PDE6B: variants seen among roughly 807,000 people sequenced by gnomAD.
PDE6B encodes the protein phosphodiesterase 6B, also known as rod cGMP-specific 3',5'-cyclic phosphodiesterase subunit beta.
A neutral mutation model predicts 109.0 loss-of-function variants in PDE6B; 106 were observed. The ratio of observed to expected loss-of-function variants is 0.97; its 90% CI spans 0.83 to 1.14. PDE6B has a LOEUF of 1.14. Ranked by LOEUF, PDE6B falls within the 50% of genes most tolerant of loss-of-function variation. The probability of loss-of-function intolerance (pLI) is 0.00; values close to 1 mark genes in which losing one functional copy is unlikely to be tolerated. For missense variants in PDE6B, 1,193 were observed against 1,155.6 expected, an observed-to-expected ratio of 1.03 and a Z score of -0.47; for synonymous variants, 490 against 471.3, an observed-to-expected ratio of 1.04 and a Z score of -0.51.
chr4:636,347 C>T lies in PDE6B; in HGVS notation c.711+378C>T, dbSNP rs921468096. ...TTGAGAGAGGGTGCAGGGGCAGGTC[C>T]GGCCCTGACTGAGAGAGGGTGTAGG... On this transcript the variant is annotated intron_variant, in intron 3 of 21. Transcript: ENST00000496514. The surrounding 1 kb of genome is among the most constrained non-coding windows in gnomAD (Gnocchi z 4.5). Among the ~76,000 whole-genome samples the T allele has an allele frequency of 2.6e-5, 4 of 151,944 alleles. No individual in the cohort carries two copies. The highest frequency in any genetic ancestry group is 2.1e-4 in the South Asian group (1 of 4,808).
chr4:666,619 G>T lies in PDE6B; in HGVS notation c.2352+5G>T. ...GTGTGCACATTCGTGTACAAGGCGA[G>T]TGGTTCACGGGTGTTCCGAGCTGAC... On this transcript the variant is annotated splice_donor_5th_base_variant and intron_variant, in intron 20 of 21. Coordinates refer to ENST00000496514, the MANE Select transcript of PDE6B (RefSeq NM_000283.4). This position sits in a 1 kb window ranked among gnomAD's most constrained non-coding sequence, Gnocchi z 5.6. The T allele has an allele frequency of 6.3e-7, 1 of 1,598,954 alleles. No homozygotes were observed. Among genetic ancestry groups the T allele is most frequent in the African/African-American group, 1.3e-5 (1 of 74,730 alleles).
chr4:653,150 C>A (rs1735733895), intron 3 of PDE6B: 2 of 990,950 alleles, frequency 2.0e-6, no homozygotes, highest in Admixed American at 5.6e-5. Flanking sequence ...TTCAGAGGGC[C>A]TGGCAGGGAG....
rs1377883818 is a variant in PDE6B at position 636,025 on chromosome 4, C to G, written c.711+56C>G. ...CGAGGGCCAGGGTCCCTCCGCCCATCTCGCTGCCTGCACAGAGGCGGGTGG... is the reference window on the plus strand; with the variant it reads ...CGAGGGCCAGGGTCCCTCCGCCCATGTCGCTGCCTGCACAGAGGCGGGTGG... On this transcript the variant is annotated intron_variant, in intron 3 of 21. Transcript: ENST00000496514. This position sits in a 1 kb window ranked among gnomAD's most constrained non-coding sequence, Gnocchi z 4.5. The G allele has an allele frequency of 9.9e-7, 1 of 1,010,404 alleles. No individual in the cohort carries two copies. Among genetic ancestry groups the G allele is most frequent in the Non-Finnish European group, 1.6e-6 (1 of 632,144 alleles). 62.6% of individuals were successfully genotyped at this position (1,010,404 alleles called of 1,614,324 possible). A position where few individuals can be genotyped will look rare whatever the true frequency, so the allele number is the denominator to read the frequency against.
chr4:652,421 G>T (rs189400286), intron 3 of PDE6B: 2 of 781,688 alleles, frequency 2.6e-6, no homozygotes, highest in Admixed American at 1.2e-4. Flanking sequence ...GCCGGGGCAG[G>T]AAGAGAGATA....
At chr4:670,000 G>A (rs754861711) in intron 21 of PDE6B, 46 bp from the exon 22 acceptor site, 10 of 1,508,292 alleles carry the variant, frequency 6.6e-6, no homozygotes, top group Non-Finnish European at 9.2e-6. Flanking sequence ...AATAGGGCTG[G>A]TGTGCACAGG....
rs747747667 is a variant in PDE6B, at chr4:625,897, C to T, written c.271C>T (p.Arg91Cys). ...CCTCTGCACCCTCCTGCAGGCCGAC[C>T]GCTGCAGCCTCTTCATGTACCGCCA... ...RRLCTLLQAD[R>C]CSLFMYRQRN... Residue 91 changes from arginine to cysteine, a missense_variant, in exon 1 of 22, where the codon CGC becomes TGC. By Grantham distance (180) the Arg-to-Cys change is radical (BLOSUM62 -3). Coordinates refer to ENST00000496514, the MANE Select transcript of PDE6B (RefSeq NM_000283.4). The surrounding 1 kb of genome is among the most constrained non-coding windows in gnomAD (Gnocchi z 5.0). The T allele has an allele frequency of 8.7e-6, 14 of 1,603,600 alleles. No individual in the cohort carries two copies. The African/African-American group carries it at 1.1e-4, about 12-fold the overall frequency.
Position 625,965 on chromosome 4 carries a change from G to A in PDE6B, c.339G>A (p.Val113=), listed in dbSNP as rs377564095. ...AGCTGGCCACCAGGCTTTTCAGCGT[G>A]CAGCCGGACAGCGTCCTGGAGGACT... ...VAELATRLFS[V]QPDSVLEDCL... Residue 113 remains valine (V), a synonymous_variant, in exon 1 of 22, where the codon GTG becomes GTA. Transcript: ENST00000496514. This position sits in a 1 kb window ranked among gnomAD's most constrained non-coding sequence, Gnocchi z 5.0. The A allele has an allele frequency of 1.8e-5, 29 of 1,585,462 alleles. No homozygotes were observed. Among genetic ancestry groups the A allele is most frequent in the Middle Eastern group, 1.7e-4 (1 of 6,030 alleles).
At chr4:635,540 TGCCC>T (rs1204914670) in intron 2 of PDE6B, among the ~76,000 whole-genome samples, 4 of 148,940 alleles carry the variant, frequency 2.7e-5, no homozygotes, top group African/African-American at 1.0e-4. Flanking sequence ...CCTGCCTGCC[TGCCC>T]GCGTGTTCTG....
In PDE6B at chr4:625,728, G is replaced by A. The variant is rs142437453; in HGVS notation, c.102G>A (p.Ala34=). The A allele has an allele frequency of 2.1e-5, 34 of 1,613,542 alleles. No homozygotes were observed. In the African/African-American group the frequency reaches 2.1e-4, roughly 10 times the overall value. ...AACTGAGCCCTGAGAATGTGGCCGC[G>A]GCCTGCGAGGACGGGTGCCCGCCGG... The part of the protein sequence containing the change: ...GKKLSPENVA[A]ACEDGCPPDC... The change falls in exon 1 of 22, where the codon GCG becomes GCA. Residue 34 remains alanine (A), a synonymous_variant. Transcript: ENST00000496514. The surrounding 1 kb of genome is among the most constrained non-coding windows in gnomAD (Gnocchi z 5.0).
chr4:659,621 A>G (rs554693094), intron 11 of PDE6B, among the ~76,000 whole-genome samples: 1 of 148,890 alleles, frequency 6.7e-6, no homozygotes, highest in East Asian at 2.0e-4. Context: ...GCATTGTATG[A>G]ATGTGCACAT....
In PDE6B at chr4:663,202, C is replaced by T. The variant is rs765094858; in HGVS notation, c.1920+15C>T. On this transcript the variant is annotated intron_variant, in intron 15 of 21. Coordinates refer to ENST00000496514, the MANE Select transcript of PDE6B (RefSeq NM_000283.4). The surrounding 1 kb of genome is among the most constrained non-coding windows in gnomAD (Gnocchi z 4.0). ...TCTCGGAGGAGGTTGGTATACTCAC[C>T]CTCGGTTTCTGCTGTGGGCGCTGGG... 8 of 1,456,192 alleles carry T rather than the reference C, an allele frequency of 5.5e-6. No homozygotes were observed. In the East Asian group the frequency reaches 1.6e-4, roughly 29 times the overall value. The allele number at this position is 1,456,192 out of a possible 1,614,324, so 90.2% of individuals were successfully genotyped here.
intron 3 of PDE6B, chr4:651,506 C>CGCAGAGGGT (rs1271644798): frequency 6.6e-6 from 1 of 152,446 alleles, no homozygotes; most frequent in Non-Finnish European, 1.5e-5. Context: ...ACGCAGAGGG[C>CGCAGAGGGT]GCAGAGGGTG....
At chr4:664,837 T>C in intron 17 of PDE6B, 44 bp from the exon 18 acceptor site, 1 of 1,508,894 alleles carries the variant, frequency 6.6e-7, no homozygotes, top group East Asian at 2.3e-5. Context: ...CCACCTGCCC[T>C]CAGGAGACGC....
rs727504075 is a variant in PDE6B, at chr4:664,945, G to T, written c.2193+1G>T. 3 of 1,611,342 alleles carry T rather than the reference G, an allele frequency of 1.9e-6. No homozygotes were observed. Among genetic ancestry groups the T allele is most frequent in the South Asian group, 2.2e-5 (2 of 91,046 alleles). ...CAAGCCCTGGGAAGTCCAGAGCAAG[G>T]TTAGAACAGAGGGCCCTCCAGACCC... On this transcript the variant is annotated splice_donor_variant, in intron 18 of 21. Coordinates refer to ENST00000496514, the MANE Select transcript of PDE6B (RefSeq NM_000283.4). LOFTEE classifies it high-confidence loss of function.
chr4:657,170 A>G (rs910348398), intron 9 of PDE6B, 147 bp downstream of exon 9: 1 of 1,140,956 alleles, frequency 8.8e-7, no homozygotes, highest in African/African-American at 1.5e-5. Context: ...GAGGACGACA[A>G]AGGGCCCCCC....
intron 1 of PDE6B, among the ~76,000 whole-genome samples, chr4:630,094 A>G (rs1301036562): frequency 1.3e-5 from 2 of 152,182 alleles, no homozygotes; most frequent in African/African-American, 4.8e-5. Context: ...CACAGAACCC[A>G]GAGGGCACCA....
chr4:639,035 G>A (rs534206643), intron 3 of PDE6B, among the ~76,000 whole-genome samples: 5 of 152,180 alleles, frequency 3.3e-5, no homozygotes, highest in Non-Finnish European at 7.4e-5. Context: ...TCAGATGGAA[G>A]CACAAATTCA....
chr4:651,169 C>T (rs1338979116), intron 3 of PDE6B, among the ~76,000 whole-genome samples: 2 of 144,994 alleles, frequency 1.4e-5, no homozygotes, highest in Non-Finnish European at 3.0e-5. Context: ...GCGCCGATGT[C>T]AACAGCAGTG....
chr4:644,138 C>T (rs1207623415), intron 3 of PDE6B, among the ~76,000 whole-genome samples: 2 of 151,742 alleles, frequency 1.3e-5, no homozygotes, highest in African/African-American at 2.4e-5. Context: ...AGGATGGTCT[C>T]GATCTCTCGA....
Sources: gnomAD v4.1 joint callset for allele counts (sites outside exome capture counted in the v4.1 genomes callset) on GRCh38, gnomAD v4.1.1 for gene constraint, Gnocchi (gnomAD v3.1) non-coding constraint, MANE v1.5 for transcripts, NCBI Gene and HGNC (gene_info 2026-07-23, HGNC 2026-07-21) for gene names.